Variants in PSMD11 observed in about 807,000 individuals in gnomAD.
PSMD11 encodes the protein proteasome 26S subunit, non-ATPase 11.
A neutral mutation model predicts 62.3 loss-of-function variants in PSMD11; 5 were observed. That is an observed-to-expected ratio of 0.08 (90% CI 0.04 to 0.17). The LOEUF is 0.17. Ranked by LOEUF, PSMD11 falls within the 10% of genes least tolerant of loss-of-function variation. The pLI, the probability that PSMD11 is intolerant of heterozygous loss-of-function variation, is 1.00. For missense variants in PSMD11, 310 were observed against 512.9 expected (o/e 0.60, Z 3.82); for synonymous variants, 191 against 191.8 (o/e 1.00, Z 0.03).
rs35729014 is a variant in PSMD11 at position 32,480,526 on chromosome 17, C to T, written c.1164C>T (p.Phe388=). Residue 388 remains phenylalanine (F), a synonymous_variant, in exon 13 of 14, where the codon TTC becomes TTT. Coordinates refer to ENST00000261712, the MANE Select transcript of PSMD11 (RefSeq NM_002815.4). Reference sequence around the variant, plus strand: ...AGGGGGAGGGTGTCCTGATTATTTTCGATGAACCCCCAGTAGATAAAACTT... The same window carrying T: ...AGGGGGAGGGTGTCCTGATTATTTTTGATGAACCCCCAGTAGATAAAACTT... ...LDQGEGVLII[F]DEPPVDKTYE... The T allele has an allele frequency of 2.0e-4, 319 of 1,614,048 alleles. 4 individuals are homozygous for T. The Middle Eastern group carries it at 3.6e-3, about 18-fold the overall frequency.
chr17:32,455,745 A>G (rs1050771963), intron 3 of PSMD11, among the ~76,000 whole-genome samples: 3 of 152,250 alleles, frequency 2.0e-5, no homozygotes, highest in Admixed American at 6.5e-5. Context: ...GTATATAAAA[A>G]GTTAGATGGC....
chr17:32,477,218 C>T, intron 8 of PSMD11: 1 of 289,424 alleles, frequency 3.5e-6, no homozygotes, highest in Non-Finnish European at 6.4e-6. Flanking sequence ...AATCACAGTT[C>T]TCTTGTCATT....
At position 32,479,933 on chromosome 17, in the gene PSMD11, C is replaced by T. The variant is rs370782146; in HGVS notation, c.1074+47C>T. 4.0e-4 allele frequency: 636 copies of T among 1,593,620 alleles called. 1 individual carries two copies. The highest frequency in any genetic ancestry group is 5.0e-4 in the Non-Finnish European group (578 of 1,161,690). On this transcript the variant is annotated intron_variant, in intron 11 of 13. Coordinates refer to ENST00000261712, the MANE Select transcript of PSMD11 (RefSeq NM_002815.4). ...TGCAGGGAGGAATGGGACGGGGTGGCGAGGAGGGGTGGCACATGCACCTGA... is the reference window on the plus strand; with the variant it reads ...TGCAGGGAGGAATGGGACGGGGTGGTGAGGAGGGGTGGCACATGCACCTGA...
rs747011142 is a variant in PSMD11 at position 32,479,837 on chromosome 17, G to C, written c.1039-14G>C. The C allele has an allele frequency of 5.6e-6, 9 of 1,612,848 alleles. No homozygotes were observed. Among genetic ancestry groups the C allele is most frequent in the Non-Finnish European group, 6.8e-6 (8 of 1,178,990 alleles). On this transcript the variant is annotated splice_polypyrimidine_tract_variant and intron_variant, in intron 10 of 13. Transcript: ENST00000261712. ...AAACTTTCAGTGTTGGTGTCTCTCTGCCTTTCCTTTTAGATTGAACACATA... is the reference window on the plus strand; with the variant it reads ...AAACTTTCAGTGTTGGTGTCTCTCTCCCTTTCCTTTTAGATTGAACACATA...
In PSMD11 at chr17:32,482,608, G is replaced by A. The variant is rs1730345992; in HGVS notation, c.*1856G>A. On this transcript the variant is annotated 3_prime_UTR_variant, in exon 14 of 14. Transcript: ENST00000261712. ...CAGGTGTCTTCTTCCAGGGCAGCAT[G>A]GTCCAGTGAGCACATGTAAGTTTGG... is the stretch of plus-strand genomic sequence containing the variant. The A allele has an allele frequency of 6.6e-6, 1 of 152,236 alleles. No individual in the cohort carries two copies. The highest frequency in any genetic ancestry group is 6.5e-5 in the Admixed American group (1 of 15,268). The allele number at this position is 152,236 out of a possible 1,614,324, so 9.4% of individuals were successfully genotyped here. A position where few individuals can be genotyped will look rare whatever the true frequency, so the allele number is the denominator to read the frequency against.
chr17:32,481,925 C>T lies in PSMD11; in HGVS notation c.*1173C>T, dbSNP rs925396952. On this transcript the variant is annotated 3_prime_UTR_variant, in exon 14 of 14. Coordinates refer to ENST00000261712, the MANE Select transcript of PSMD11 (RefSeq NM_002815.4). ...GGATGGGAAGTAGAGCACTATGTGTCAGTATGCTTTGTTTTCTGACACGAT... is the reference window on the plus strand; with the variant it reads ...GGATGGGAAGTAGAGCACTATGTGTTAGTATGCTTTGTTTTCTGACACGAT... 6.6e-6 allele frequency: 1 copy of T among 152,024 alleles called. No homozygotes were observed. The highest frequency in any genetic ancestry group is 2.4e-5 in the African/African-American group (1 of 41,380). The allele number at this position is 152,024 out of a possible 1,614,324, so 9.4% of individuals were successfully genotyped here. A position where few individuals can be genotyped will look rare whatever the true frequency, so the allele number is the denominator to read the frequency against.
chr17:32,467,049 A>G (rs1908011439), intron 5 of PSMD11, among the ~76,000 whole-genome samples: 1 of 151,508 alleles, frequency 6.6e-6, no homozygotes, highest in South Asian at 2.1e-4. Flanking sequence ...GGTTCAAGCA[A>G]TTCTCCTGCC....
intron 2 of PSMD11, among the ~76,000 whole-genome samples, chr17:32,454,290 CAG>C (rs1907587763): frequency 1.3e-5 from 2 of 152,190 alleles, no homozygotes; most frequent in South Asian, 4.1e-4. Context: ...GAGTAGGGAA[CAG>C]AATGCAAATT....
intron 2 of PSMD11, among the ~76,000 whole-genome samples, chr17:32,452,072 A>G (rs1311278747): frequency 6.6e-6 from 1 of 152,198 alleles, no homozygotes; most frequent in Non-Finnish European, 1.5e-5. Context: ...ATAGATTTTC[A>G]GGGGTCTGCA....
intron 2 of PSMD11, among the ~76,000 whole-genome samples, chr17:32,450,274 A>G (rs1197608592): frequency 6.8e-6 from 1 of 146,146 alleles, no homozygotes; most frequent in African/African-American, 2.5e-5. Flanking sequence ...TTTTTTTTTG[A>G]GACCGAGTTT....
chr17:32,477,714 G>A (rs1908370506), intron 9 of PSMD11, 131 bp downstream of exon 9: 2 of 697,578 alleles, frequency 2.9e-6, no homozygotes, highest in South Asian at 2.7e-5. Context: ...CCTTCACCTA[G>A]GACAGTATTA....
chr17:32,460,534 G>A (rs1053542478), intron 3 of PSMD11, among the ~76,000 whole-genome samples: 6 of 152,082 alleles, frequency 3.9e-5, no homozygotes, highest in South Asian at 2.1e-4. Context: ...CAGCACTTTG[G>A]GAGGCCGAGT....
At chr17:32,470,758 T>C (rs557711351) in intron 6 of PSMD11, among the ~76,000 whole-genome samples, 2 of 152,362 alleles carry the variant, frequency 1.3e-5, no homozygotes, top group South Asian at 4.1e-4. Context: ...TCTCTCTCTA[T>C]ACTGGGAGAT....
At chr17:32,463,897 T>C in intron 3 of PSMD11, 152 bp from the exon 4 acceptor site, 1 of 684,866 alleles carries the variant, frequency 1.5e-6, no homozygotes, top group Non-Finnish European at 2.6e-6. Context: ...CATTATGATA[T>C]AACTATTACA....
chr17:32,450,117 C>T (rs146286599), intron 2 of PSMD11, among the ~76,000 whole-genome samples: 2,270 of 152,130 alleles, frequency 0.015, 25 homozygotes, highest in Middle Eastern at 0.034. Flanking sequence ...CCCACCACCA[C>T]CCCCGGTTAA....
At chr17:32,479,165 G>C in intron 9 of PSMD11, 86 bp from the exon 10 acceptor site, 1 of 1,509,724 alleles carries the variant, frequency 6.6e-7, no homozygotes. Flanking sequence ...AGTTTTATAA[G>C]GGCCAGCAGA....
intron 2 of PSMD11, among the ~76,000 whole-genome samples, chr17:32,449,743 C>T (rs1438201445): frequency 6.6e-6 from 1 of 152,148 alleles, no homozygotes. Context: ...AGTGTTGAGG[C>T]CTACATATAT....
At chr17:32,470,194 A>G (rs540982051) in intron 6 of PSMD11, among the ~76,000 whole-genome samples, 9 of 152,000 alleles carry the variant, frequency 5.9e-5, no homozygotes, top group Admixed American at 4.6e-4. Flanking sequence ...TTGTAGAGAT[A>G]GGGTTTCGCC....
At chr17:32,474,887 C>T (rs140508183) in intron 8 of PSMD11, 63 bp downstream of exon 8, 71 of 1,434,042 alleles carry the variant, frequency 5.0e-5, no homozygotes, top group Non-Finnish European at 6.1e-5. Flanking sequence ...AGAGTCACAA[C>T]GTTTGATGAG....
Sources: allele counts gnomAD v4.1 joint callset (sites outside exome capture counted in the v4.1 genomes callset), GRCh38; gene constraint gnomAD v4.1.1; transcripts MANE v1.5; gene names NCBI Gene and HGNC (gene_info 2026-07-23, HGNC 2026-07-21).